IL1RAPL2: variants seen among roughly 807,000 people sequenced by gnomAD.
IL1RAPL2 encodes interleukin 1 receptor accessory protein like 2, also known as X-linked interleukin-1 receptor accessory protein-like 2.
A neutral mutation model predicts 44.1 loss-of-function variants in IL1RAPL2; 3 were observed. The ratio of observed to expected loss-of-function variants is 0.07; its 90% CI spans 0.03 to 0.18. The LOEUF (loss-of-function observed/expected upper bound fraction) is 0.18, where lower values mean the gene tolerates loss of function less well. Ranked by LOEUF, IL1RAPL2 falls within the 10% of genes least tolerant of loss-of-function variation. The pLI, the probability that IL1RAPL2 is intolerant of heterozygous loss-of-function variation, is 1.00. For synonymous variants in IL1RAPL2, 181 were observed against 178.8 expected, an observed-to-expected ratio of 1.01 and a Z score of -0.10; for missense variants, 391 against 496.4, an observed-to-expected ratio of 0.79 and a Z score of 2.02.
chrX:104,951,203 A>G (rs899098206), intron 2 of IL1RAPL2, among the ~76,000 whole-genome samples: 1 of 111,918 alleles, frequency 8.9e-6, no homozygotes, highest in African/African-American at 3.2e-5. Flanking sequence ...TGGCTCCTCA[A>G]CCAATATTTT....
intron 6 of IL1RAPL2, among the ~76,000 whole-genome samples, chrX:105,593,378 C>G (rs1342466970): frequency 9.0e-6 from 1 of 111,535 alleles, no homozygotes; most frequent in African/African-American, 3.3e-5. Context: ...TTGACTTTCT[C>G]CAGAATTTTG....
intron 2 of IL1RAPL2, among the ~76,000 whole-genome samples, chrX:105,185,507 G>T (rs976001846): frequency 9.0e-6 from 1 of 111,348 alleles, no homozygotes; most frequent in Non-Finnish European, 1.9e-5. Context: ...CCATTTTACC[G>T]GTACTGGGTT....
intron 6 of IL1RAPL2, among the ~76,000 whole-genome samples, chrX:105,633,953 C>T (rs1443703912): frequency 9.0e-6 from 1 of 110,729 alleles, no homozygotes; most frequent in Non-Finnish European, 1.9e-5. Flanking sequence ...TATGATTTTG[C>T]CTAGATTTCA....
intron 5 of IL1RAPL2, among the ~76,000 whole-genome samples, chrX:105,297,161 G>A (rs1033994503): frequency 8.9e-6 from 1 of 111,864 alleles, no homozygotes; most frequent in South Asian, 3.7e-4. Context: ...ACCAGGCAGA[G>A]GGAGCTGCTA....
chrX:105,367,652 C>T (rs1396039664), intron 5 of IL1RAPL2, among the ~76,000 whole-genome samples: 2 of 111,702 alleles, frequency 1.8e-5, no homozygotes, highest in African/African-American at 6.5e-5. Flanking sequence ...CCTTCCCACA[C>T]TTTGTTTTTC....
At chrX:105,588,823 C>G (rs978564421) in intron 6 of IL1RAPL2, among the ~76,000 whole-genome samples, 1 of 111,839 alleles carries the variant, frequency 8.9e-6, no homozygotes, top group East Asian at 2.8e-4. Context: ...CATGTCTTTG[C>G]TATTGTGAAT....
Position 104,632,159 on chromosome X carries a change from T to A in IL1RAPL2, c.-19-26736T>A, listed in dbSNP as rs370935286. 1.9e-3 allele frequency among the ~76,000 whole-genome samples: 213 copies of A among 111,303 alleles called. 1 individual carries two copies. Among genetic ancestry groups the A allele is most frequent in the African/African-American group, 6.1e-3 (186 of 30,607 alleles). ...CAAAGATCAGATGGTTGTAGATATG[T>A]GGCATTATTTCTGAGGGCTCTGTTC... On this transcript the variant is annotated intron_variant, in intron 1 of 10. Coordinates refer to ENST00000372582, the MANE Select transcript of IL1RAPL2 (RefSeq NM_017416.2).
chrX:104,637,816 GTGTGTGTCTGTGTGTC>G (rs1421867538), intron 1 of IL1RAPL2, among the ~76,000 whole-genome samples: 1 of 109,482 alleles, frequency 9.1e-6, no homozygotes, highest in Non-Finnish European at 1.9e-5. Context: ...GTGTGTGTGT[GTGTGTGTCTGTGTGTC>G]TGTGTGTGTG....
intron 6 of IL1RAPL2, among the ~76,000 whole-genome samples, chrX:105,652,642 C>T (rs1490561350): frequency 1.8e-5 from 2 of 111,345 alleles, no homozygotes; most frequent in Non-Finnish European, 3.8e-5. Flanking sequence ...CTAATAGCTT[C>T]TCTTCCAAGA....
intron 3 of IL1RAPL2, among the ~76,000 whole-genome samples, chrX:105,201,179 T>C (rs1262526126): frequency 8.9e-6 from 1 of 111,938 alleles, no homozygotes; most frequent in Non-Finnish European, 1.9e-5. Context: ...TTCTGAACAG[T>C]TCCTTAGTAT....
At chrX:105,492,790 G>A (rs899516587) in intron 6 of IL1RAPL2, among the ~76,000 whole-genome samples, 11 of 110,055 alleles carry the variant, frequency 1.0e-4, no homozygotes, top group African/African-American at 1.7e-4. Context: ...GTCATATACC[G>A]TACAATTGGC....
At chrX:104,795,399 T>G in intron 2 of IL1RAPL2, among the ~76,000 whole-genome samples, 1 of 104,010 alleles carries the variant, frequency 9.6e-6, no homozygotes, top group East Asian at 3.2e-4. Context: ...GAAGCAAGAC[T>G]TCTATCCCTC....
At chrX:104,970,710 A>G (rs955939403) in intron 2 of IL1RAPL2, among the ~76,000 whole-genome samples, 2 of 111,626 alleles carry the variant, frequency 1.8e-5, no homozygotes, top group Non-Finnish European at 3.8e-5. Context: ...AATCTGGTCC[A>G]GAGTCAAGTC....
At chrX:105,252,094 C>T (rs1569413319) in intron 4 of IL1RAPL2, among the ~76,000 whole-genome samples, 1 of 111,203 alleles carries the variant, frequency 9.0e-6, no homozygotes, top group African/African-American at 3.3e-5. Flanking sequence ...TCAATCCTCT[C>T]GTCCCAGCCT....
intron 2 of IL1RAPL2, among the ~76,000 whole-genome samples, chrX:104,815,328 CT>C (rs1438604136): frequency 1.8e-5 from 2 of 111,161 alleles, no homozygotes; most frequent in Non-Finnish European, 3.8e-5. Flanking sequence ...GGGCTGCATT[CT>C]TTTCTGGAAA....
chrX:105,691,367 C>A (rs190630933), intron 6 of IL1RAPL2, among the ~76,000 whole-genome samples: 167 of 110,785 alleles, frequency 1.5e-3, no homozygotes, highest in African/African-American at 5.2e-3. Flanking sequence ...AATAGACAAA[C>A]AAACAAGCAG....
intron 5 of IL1RAPL2, among the ~76,000 whole-genome samples, chrX:105,397,710 A>T (rs753466063): frequency 1.4e-3 from 160 of 111,114 alleles, no homozygotes; most frequent in African/African-American, 5.0e-3. Flanking sequence ...TAAATATTGT[A>T]TTTTTATTGT....
chrX:104,650,828 C>T (rs1359199351), intron 1 of IL1RAPL2, among the ~76,000 whole-genome samples: 1 of 111,571 alleles, frequency 9.0e-6, no homozygotes. Context: ...CATCTAACTT[C>T]TAGGGCAAAA....
intron 6 of IL1RAPL2, among the ~76,000 whole-genome samples, chrX:105,538,180 G>T (rs983494984): frequency 1.8e-5 from 2 of 108,224 alleles, no homozygotes; most frequent in Admixed American, 1.0e-4. Context: ...GGGACTACGG[G>T]CACCCGCCAC....
Sources: gnomAD v4.1 joint callset for allele counts (sites outside exome capture counted in the v4.1 genomes callset) on GRCh38, gnomAD v4.1.1 for gene constraint, MANE v1.5 for transcripts, NCBI Gene and HGNC (gene_info 2026-07-23, HGNC 2026-07-21) for gene names.